The following ACSM2B variants were observed in gnomAD, a reference collection of about 807,000 sequenced individuals.
ACSM2B encodes the protein acyl-CoA synthetase medium chain family member 2B, also known as acyl-coenzyme A synthetase ACSM2B, mitochondrial.
In ACSM2B, 58 loss-of-function variants were observed where a neutral mutation model predicts 78.6. That is an observed-to-expected ratio of 0.74 (90% CI 0.60 to 0.92). The LOEUF (loss-of-function observed/expected upper bound fraction) is 0.92. ACSM2B is among the 40% of genes least tolerant of loss of function. The probability of loss-of-function intolerance (pLI) is 0.00; values close to 1 mark genes in which losing one functional copy is unlikely to be tolerated. For synonymous variants in ACSM2B, 257 were observed against 256.8 expected, an observed-to-expected ratio of 1.00 and a Z score of -0.01; for missense variants, 688 against 711.2, an observed-to-expected ratio of 0.97 and a Z score of 0.37.
intron 2 of ACSM2B, among the ~76,000 whole-genome samples, chr16:20,562,284 C>T (rs1184897455): frequency 6.6e-6 from 1 of 152,084 alleles, no homozygotes; most frequent in Admixed American, 6.6e-5. Context: ...AAAATAGACC[C>T]TTCGCATATC....
chr16:20,545,208 A>G lies in ACSM2B; in HGVS notation c.1230T>C (p.Ile410=), dbSNP rs1191326937. 6.2e-7 allele frequency: 1 copy of G among 1,613,868 alleles called. No individual in the cohort carries two copies. ...NVLPPGTEGD[I]GIRVKPIRPI... ...GCCTGATGGGTTTGACCCTGATGCC[A>G]ATGTCTCCTTCTGTGCCGGGGGGCA... Residue 410 remains isoleucine, a synonymous_variant, in exon 10 of 14, where the codon ATT becomes ATC. Coordinates refer to ENST00000329697, the MANE Select transcript of ACSM2B (RefSeq NM_001105069.2).
intron 1 of ACSM2B, among the ~76,000 whole-genome samples, chr16:20,573,726 AT>A (rs1197027205): frequency 1.3e-5 from 2 of 151,316 alleles, no homozygotes; most frequent in Non-Finnish European, 3.0e-5. Context: ...TGGGGCTGTC[AT>A]CACATAGTGG....
chr16:20,566,250 TATATATATATA>T, intron 1 of ACSM2B, among the ~76,000 whole-genome samples: 1 of 42,334 alleles, frequency 2.4e-5, no homozygotes, highest in African/African-American at 7.0e-5. Flanking sequence ...TGGAAGATTA[TATATATATATA>T]TATATATATA....
chr16:20,570,819 G>T (rs1289862204), intron 1 of ACSM2B, among the ~76,000 whole-genome samples: 4 of 151,864 alleles, frequency 2.6e-5, no homozygotes, highest in African/African-American at 4.8e-5. Context: ...ATCTTCCCAA[G>T]AATTTATCCA....
chr16:20,555,196 G>A (rs2015433581), intron 4 of ACSM2B, 73 bp downstream of exon 4: 5 of 1,602,874 alleles, frequency 3.1e-6, no homozygotes, highest in Admixed American at 1.7e-5. Context: ...CCTCAATAAA[G>A]CACCTGCACC....
intron 1 of ACSM2B, among the ~76,000 whole-genome samples, chr16:20,568,321 A>G (rs977722442): frequency 1.4e-5 from 2 of 144,022 alleles, no homozygotes; most frequent in African/African-American, 5.0e-5. Flanking sequence ...TATATTATAT[A>G]CAATTATATA....
intron 2 of ACSM2B, 61 bp downstream of exon 2, chr16:20,564,608 T>A (rs1307836467): frequency 5.8e-6 from 9 of 1,559,762 alleles, no homozygotes; most frequent in Non-Finnish European, 7.8e-6. Flanking sequence ...ACTGAATTAA[T>A]GGATGAATTT....
intron 13 of ACSM2B, among the ~76,000 whole-genome samples, chr16:20,539,105 C>T (rs2014921477): frequency 6.6e-6 from 1 of 150,736 alleles, no homozygotes; most frequent in Admixed American, 6.6e-5. Context: ...ATACTAGCTC[C>T]AGAACTCCCA....
chr16:20,574,979 T>C (rs2016205134), intron 1 of ACSM2B, among the ~76,000 whole-genome samples: 1 of 147,770 alleles, frequency 6.8e-6, no homozygotes, highest in South Asian at 2.2e-4. Context: ...AGGTATGATG[T>C]ATAGGGTCAC....
At chr16:20,555,104 C>T (rs111311872) in intron 4 of ACSM2B, among the ~76,000 whole-genome samples, 165 bp downstream of exon 4, 1 of 123,164 alleles carries the variant, frequency 8.1e-6, no homozygotes, top group Admixed American at 7.4e-5. Flanking sequence ...CTTGCAATGA[C>T]TTGAAAAAAA....
intron 10 of ACSM2B, 122 bp from the exon 11 acceptor site, chr16:20,543,384 A>C: frequency 6.5e-7 from 1 of 1,544,274 alleles, no homozygotes; most frequent in East Asian, 2.3e-5. Context: ...TATAACCTGA[A>C]CATGGCAGAC....
intron 6 of ACSM2B, among the ~76,000 whole-genome samples, 158 bp from the exon 7 acceptor site, chr16:20,548,631 A>G (rs2015215255): frequency 6.6e-6 from 1 of 152,160 alleles, no homozygotes; most frequent in South Asian, 2.1e-4. Context: ...GAGCCCCACA[A>G]CTCTCATGCA....
At chr16:20,544,164 A>G (rs144097545) in intron 10 of ACSM2B, among the ~76,000 whole-genome samples, 1 of 152,314 alleles carries the variant, frequency 6.6e-6, no homozygotes, top group East Asian at 1.9e-4. Flanking sequence ...GGACCTCACA[A>G]AGGAAATGCT....
intron 5 of ACSM2B, among the ~76,000 whole-genome samples, 191 bp from the exon 6 acceptor site, chr16:20,552,488 C>A (rs148792917): frequency 1.8e-3 from 269 of 152,024 alleles, no homozygotes; most frequent in African/African-American, 6.4e-3. Flanking sequence ...ACACATCCTG[C>A]ATTGATAGGA....
At chr16:20,548,999 G>C (rs2015226509) in intron 6 of ACSM2B, among the ~76,000 whole-genome samples, 2 of 152,184 alleles carry the variant, frequency 1.3e-5, no homozygotes. Flanking sequence ...AAAAGACCTA[G>C]TACTGAATAC....
At chr16:20,571,920 G>A (rs2016103107) in intron 1 of ACSM2B, among the ~76,000 whole-genome samples, 1 of 151,718 alleles carries the variant, frequency 6.6e-6, no homozygotes, top group African/African-American at 2.4e-5. Flanking sequence ...CCATTTGCAT[G>A]GAATGTCTTT....
intron 3 of ACSM2B, among the ~76,000 whole-genome samples, chr16:20,558,343 C>T (rs36075268): frequency 0.07 from 8,400 of 120,028 alleles, 563 homozygotes; most frequent in East Asian, 0.27. Flanking sequence ...TTCCTATTCC[C>T]TAGCCCCCTG....
At chr16:20,566,455 A>G (rs1421867786) in intron 1 of ACSM2B, among the ~76,000 whole-genome samples, 1 of 125,854 alleles carries the variant, frequency 7.9e-6, no homozygotes, top group African/African-American at 3.0e-5. Flanking sequence ...AACATATTAT[A>G]TAATATATAA....
intron 5 of ACSM2B, 145 bp downstream of exon 5, chr16:20,553,632 G>C: frequency 7.7e-7 from 1 of 1,306,466 alleles, no homozygotes; most frequent in South Asian, 1.5e-5. Context: ...AGCATGTGAA[G>C]CCATGTCCTC....
Sources: gnomAD v4.1 joint callset for allele counts (sites outside exome capture counted in the v4.1 genomes callset) on GRCh38, gnomAD v4.1.1 for gene constraint, MANE v1.5 for transcripts, NCBI Gene and HGNC (gene_info 2026-07-23, HGNC 2026-07-21) for gene names.